Variants in DDX10 observed in about 807,000 individuals in gnomAD.
DDX10 encodes probable ATP-dependent RNA helicase DDX10.
Under a neutral mutation model 104.3 loss-of-function variants are expected in DDX10, and 74 were observed. The observed-to-expected ratio is 0.71, with a 90% CI of 0.59 to 0.86. The LOEUF (loss-of-function observed/expected upper bound fraction) is 0.86, where lower values mean the gene tolerates loss of function less well. Ranked by LOEUF, DDX10 falls within the 40% of genes least tolerant of loss-of-function variation. The pLI is 0.00. For missense variants in DDX10, 952 were observed against 1,040.0 expected (o/e 0.92, Z 1.16); for synonymous variants, 351 against 353.4 (o/e 0.99, Z 0.08).
At chr11:108,676,249 C>T (rs1034480949) in intron 3 of DDX10, among the ~76,000 whole-genome samples, 10 of 152,106 alleles carry the variant, frequency 6.6e-5, no homozygotes, top group African/African-American at 2.2e-4. Context: ...ATCTCTGTTA[C>T]GTTGGTCTCC....
chr11:108,700,058 A>G (rs1391608530), intron 9 of DDX10, among the ~76,000 whole-genome samples: 1 of 152,098 alleles, frequency 6.6e-6, no homozygotes, highest in African/African-American at 2.4e-5. Context: ...ATAGGTGAGG[A>G]CTCTCACCTA....
chr11:108,823,350 G>A (rs889471535), intron 13 of DDX10, among the ~76,000 whole-genome samples: 2 of 152,166 alleles, frequency 1.3e-5, no homozygotes, highest in African/African-American at 4.8e-5. Context: ...AACGTAGCTT[G>A]GTTGTGGTAG....
intron 13 of DDX10, among the ~76,000 whole-genome samples, chr11:108,761,088 C>T (rs2094350315): frequency 6.6e-6 from 1 of 152,026 alleles, no homozygotes; most frequent in African/African-American, 2.4e-5. Context: ...AAATAATTTT[C>T]GAGTTCTCAT....
chr11:108,932,010 C>T (rs17703817), intron 17 of DDX10, among the ~76,000 whole-genome samples: 7,233 of 151,976 alleles, frequency 0.048, 222 homozygotes, highest in South Asian at 0.087. Context: ...TCGCACAGTG[C>T]TTGTTTTATA....
At position 108,723,099 on chromosome 11, in the gene DDX10, G is replaced by C. The variant is rs2094300584; in HGVS notation, c.1602G>C (p.Glu534Asp). 6.2e-7 allele frequency: 1 copy of C among 1,613,722 alleles called. No individual in the cohort carries two copies. The highest frequency in any genetic ancestry group is 1.3e-5 in the African/African-American group (1 of 74,924). Reference protein sequence around the residue: ...LVRSQADKVIEPRAPSLTNDE... With the variant: ...LVRSQADKVIDPRAPSLTNDE... ...GGAGCCAAGCCGATAAAGTAATTGA[G>C]CCAAGGGCTCCCTCCCTCACCAATG... The change falls in exon 13 of 18, where the codon GAG (glutamate) becomes GAC (aspartate). Residue 534 changes from glutamate (E) to aspartate (D), a missense_variant. Transcript: ENST00000322536.
intron 13 of DDX10, among the ~76,000 whole-genome samples, chr11:108,790,119 A>G (rs1205464024): frequency 1.3e-5 from 2 of 152,226 alleles, no homozygotes; most frequent in African/African-American, 4.8e-5. Context: ...GTAACCAAAT[A>G]AATCAGTTCT....
At chr11:108,677,010 G>C in intron 3 of DDX10, 75 bp from the exon 4 acceptor site, 1 of 1,395,310 alleles carries the variant, frequency 7.2e-7, no homozygotes, top group South Asian at 1.4e-5. Context: ...TTGATTTGGA[G>C]GGGCAAGGTT....
intron 13 of DDX10, among the ~76,000 whole-genome samples, chr11:108,823,649 T>C (rs1009989413): frequency 6.6e-6 from 1 of 152,204 alleles, no homozygotes; most frequent in Non-Finnish European, 1.5e-5. Flanking sequence ...TGCACATGCA[T>C]GTGTGTGTTT....
intron 13 of DDX10, among the ~76,000 whole-genome samples, chr11:108,797,376 G>A (rs1342135520): frequency 6.6e-6 from 1 of 152,148 alleles, no homozygotes; most frequent in South Asian, 2.1e-4. Context: ...TTCAATTACG[G>A]CAGCGCAAAA....
At chr11:108,747,201 TAA>T (rs2094332875) in intron 13 of DDX10, among the ~76,000 whole-genome samples, 3 of 152,164 alleles carry the variant, frequency 2.0e-5, no homozygotes, top group African/African-American at 7.2e-5. Context: ...AGGGATCACT[TAA>T]AAAATTATTT....
chr11:108,712,256 A>G (rs1193875410), intron 10 of DDX10, among the ~76,000 whole-genome samples: 1 of 152,204 alleles, frequency 6.6e-6, no homozygotes, highest in Non-Finnish European at 1.5e-5. Flanking sequence ...CACTCTGACA[A>G]CATCTCTTTT....
chr11:108,751,122 A>G (rs1565267497), intron 13 of DDX10, among the ~76,000 whole-genome samples: 1 of 151,386 alleles, frequency 6.6e-6, no homozygotes, highest in Non-Finnish European at 1.5e-5. Flanking sequence ...AGTACTTTTT[A>G]TTTTGTTGCT....
At chr11:108,761,851 T>C (rs1033610353) in intron 13 of DDX10, among the ~76,000 whole-genome samples, 1 of 152,092 alleles carries the variant, frequency 6.6e-6, no homozygotes, top group African/African-American at 2.4e-5. Flanking sequence ...TGGAAGACCA[T>C]ACGTTACTGC....
intron 7 of DDX10, among the ~76,000 whole-genome samples, chr11:108,690,050 T>TAAA (rs202225894): frequency 6.9e-6 from 1 of 145,150 alleles, no homozygotes; most frequent in African/African-American, 2.5e-5. Context: ...ACCCTGTCTT[T>TAAA]AAAAAAAAAA....
At chr11:108,853,739 T>C (rs1270079901) in intron 16 of DDX10, among the ~76,000 whole-genome samples, 1 of 152,190 alleles carries the variant, frequency 6.6e-6, no homozygotes, top group Non-Finnish European at 1.5e-5. Flanking sequence ...AGTGAACTCC[T>C]TATGCCAAAC....
Position 108,723,236 on chromosome 11 carries a change from A to G in DDX10, c.1739A>G (p.Glu580Gly). Residue 580 changes from glutamate (E) to glycine (G), a missense_variant, in exon 13 of 18, where the codon GAA becomes GGA. Transcript: ENST00000322536. The part of the protein sequence containing the change: ...EHRQDNDTGN[E>G]EQEEEEDDEE... ...AGACAGGATAATGATACTGGTAATG[A>G]AGAACAGGAAGAAGAAGAAGACGAT... is the stretch of plus-strand genomic sequence containing the variant. The G allele has an allele frequency of 6.2e-7, 1 of 1,613,586 alleles. No individual in the cohort carries two copies. Among genetic ancestry groups the G allele is most frequent in the South Asian group, 1.1e-5 (1 of 91,030 alleles).
At position 108,723,328 on chromosome 11, in the gene DDX10, A is replaced by G; in HGVS notation, c.1831A>G (p.Ser611Gly). 1.2e-6 allele frequency: 2 copies of G among 1,614,018 alleles called. No homozygotes were observed. The highest frequency in any genetic ancestry group is 1.7e-6 in the Non-Finnish European group (2 of 1,179,944). The part of the protein sequence containing the change: ...GSQAPSLPNT[S>G]EAQKIKEVPT... ...TCAAGCCCCATCTCTTCCTAACACC[A>G]GTGAGGCACAGAAGATCAAGGAAGT... Residue 611 changes from serine (S) to glycine (G), a missense_variant, in exon 13 of 18, where the codon AGT becomes GGT. Physicochemically the swap from Ser to Gly is moderately conservative, Grantham distance 56. Coordinates refer to ENST00000322536, the MANE Select transcript of DDX10 (RefSeq NM_004398.4).
chr11:108,882,750 T>G (rs760465829), intron 16 of DDX10, among the ~76,000 whole-genome samples: 1 of 152,198 alleles, frequency 6.6e-6, no homozygotes, highest in Non-Finnish European at 1.5e-5. Context: ...TTTAGGAAAT[T>G]ACAGAGAAGT....
At chr11:108,855,490 C>T (rs375689216) in intron 16 of DDX10, among the ~76,000 whole-genome samples, 2 of 152,138 alleles carry the variant, frequency 1.3e-5, no homozygotes, top group African/African-American at 2.4e-5. Context: ...GATGGAGTCT[C>T]GCTCTGTCAC....
Sources: gnomAD v4.1 joint callset for allele counts (sites outside exome capture counted in the v4.1 genomes callset) on GRCh38, gnomAD v4.1.1 for gene constraint, MANE v1.5 for transcripts, NCBI Gene and HGNC (gene_info 2026-07-23, HGNC 2026-07-21) for gene names.